The following RASEF variants were observed in gnomAD, a reference collection of about 807,000 sequenced individuals.
RASEF encodes the protein RAS and EF-hand domain containing.
In RASEF, 68 loss-of-function variants were observed where a neutral mutation model predicts 90.1. The observed-to-expected ratio is 0.75, with a 90% confidence interval of 0.62 to 0.92. The LOEUF (loss-of-function observed/expected upper bound fraction) is 0.92, where lower values mean the gene tolerates loss of function less well. Among genes scored for constraint, RASEF ranks in the 40% least tolerant of loss-of-function variants. The pLI is 0.00. For synonymous variants in RASEF, 331 were observed against 345.2 expected, an observed-to-expected ratio of 0.96 and a Z score of 0.46; for missense variants, 949 against 937.2, an observed-to-expected ratio of 1.01 and a Z score of -0.16.
intron 14 of RASEF, among the ~76,000 whole-genome samples, chr9:82,995,094 T>G (rs1375038407): frequency 1.3e-5 from 2 of 152,222 alleles, no homozygotes; most frequent in African/African-American, 4.8e-5. Context: ...AATTCATCTC[T>G]TCTATAGTTT....
the RASEF span, among the ~76,000 whole-genome samples, chr9:83,073,271 G>A: frequency 1.3e-5 from 2 of 151,972 alleles, no homozygotes; most frequent in Non-Finnish European, 2.9e-5. Flanking sequence ...AACAATGCAT[G>A]GTAGAATAAA....
chr9:83,159,511 T>A, the RASEF span, among the ~76,000 whole-genome samples: 1 of 152,162 alleles, frequency 6.6e-6, no homozygotes, highest in African/African-American at 2.4e-5. Flanking sequence ...CCTTAAAAAA[T>A]TAAATGATCA....
In RASEF at chr9:83,015,984, G is replaced by A. The variant is rs990954061; in HGVS notation, c.670-84C>T. The A allele has an allele frequency of 1.5e-5, 15 of 999,458 alleles. No homozygotes were observed. In the East Asian group the frequency reaches 3.6e-4, roughly 24 times the overall value. 61.9% of individuals were successfully genotyped at this position (999,458 alleles called of 1,614,324 possible). A position where few individuals can be genotyped will look rare whatever the true frequency, so the allele number is the denominator to read the frequency against. On this transcript the variant is annotated intron_variant, in intron 3 of 16. Coordinates refer to ENST00000376447, the MANE Select transcript of RASEF (RefSeq NM_152573.4). ...ACCCCACAGGTGAGAAACATTTTGT[G>A]TCAAATTAAGGCTGACTTCAGTTCT...
At chr9:83,179,789 G>T in the RASEF span, among the ~76,000 whole-genome samples, 1 of 151,868 alleles carries the variant, frequency 6.6e-6, no homozygotes, top group Non-Finnish European at 1.5e-5. Flanking sequence ...GCCACCATTT[G>T]TGTAAAACAC....
chr9:83,166,412 A>G, the RASEF span, among the ~76,000 whole-genome samples: 27 of 152,148 alleles, frequency 1.8e-4, no homozygotes, highest in African/African-American at 6.0e-4. Context: ...ACTCTTAATT[A>G]CACTTGACAC....
chr9:83,113,172 A>C, the RASEF span, among the ~76,000 whole-genome samples: 2 of 152,236 alleles, frequency 1.3e-5, no homozygotes, highest in African/African-American at 4.8e-5. Flanking sequence ...GACAGTTATC[A>C]GTTCCCAAAA....
At chr9:83,091,333 C>T in the RASEF span, among the ~76,000 whole-genome samples, 2 of 152,164 alleles carry the variant, frequency 1.3e-5, no homozygotes, top group African/African-American at 4.8e-5. Context: ...GCAGGTGGAT[C>T]ACTTGAGATT....
At chr9:83,031,741 G>A (rs1829651660) in intron 1 of RASEF, among the ~76,000 whole-genome samples, 1 of 152,122 alleles carries the variant, frequency 6.6e-6, no homozygotes. Flanking sequence ...CGTTACAAGA[G>A]GACTCCTTAA....
In RASEF at chr9:83,049,529, C is replaced by CTTTTTT. The variant is rs10687615; in HGVS notation, c.431+12902_431+12907dup. On this transcript the variant is annotated intron_variant, in intron 1 of 16. Coordinates refer to ENST00000376447, the MANE Select transcript of RASEF (RefSeq NM_152573.4). ...ATGCACAGCCCACCTTTCTGCCTTC[C>CTTTTTT]TTTTTTTTTTTTTTTTTTTTTTTAT... Among the ~76,000 whole-genome samples the CTTTTTT allele has an allele frequency of 1.0e-2, 986 of 98,918 alleles. 2 individuals are homozygous for CTTTTTT. Among genetic ancestry groups the CTTTTTT allele is most frequent in the African/African-American group, 0.013 (298 of 23,170 alleles). 64.9% of individuals were successfully genotyped at this position (98,918 alleles called of 152,430 possible).
intron 13 of RASEF, 43 bp from the exon 14 acceptor site, chr9:82,997,169 T>C (rs1354794428): frequency 8.4e-7 from 1 of 1,189,702 alleles, no homozygotes; most frequent in Non-Finnish European, 1.3e-6. Context: ...TTGTGTTGCC[T>C]CATTCTTCTT....
chr9:83,165,690 A>T, the RASEF span, among the ~76,000 whole-genome samples: 1 of 152,156 alleles, frequency 6.6e-6, no homozygotes, highest in African/African-American at 2.4e-5. Context: ...GGAAATCAAT[A>T]CAGAGAATCA....
At chr9:83,130,349 T>C in the RASEF span, among the ~76,000 whole-genome samples, 2 of 152,240 alleles carry the variant, frequency 1.3e-5, no homozygotes, top group Middle Eastern at 3.4e-3. Context: ...GTTCATAGCC[T>C]CCCCAATTAT....
At chr9:83,069,467 C>G in the RASEF span, among the ~76,000 whole-genome samples, 52 of 152,290 alleles carry the variant, frequency 3.4e-4, no homozygotes, top group East Asian at 9.8e-3. Context: ...CTTTGCTCAG[C>G]AGAAGGTGTT....
At chr9:83,059,206 C>T (rs940563467) in intron 1 of RASEF, among the ~76,000 whole-genome samples, 3 of 151,646 alleles carry the variant, frequency 2.0e-5, no homozygotes, top group Non-Finnish European at 4.4e-5. Flanking sequence ...AAAGTTTCAG[C>T]TCTGACTAGA....
At position 83,062,935 on chromosome 9, in the gene RASEF, C is replaced by T. The variant is rs1830243926; in HGVS notation, c.-68G>A. ...GGGCGCAGGGCCCTCCCTGGAAGGA[C>T]GGGGCCACCTGCTGCCGCCGGGAGG... On this transcript the variant is annotated 5_prime_UTR_variant, in exon 1 of 17. Transcript: ENST00000376447. 2.2e-6 allele frequency: 3 copies of T among 1,352,580 alleles called. No individual in the cohort carries two copies. Among genetic ancestry groups the T allele is most frequent in the Non-Finnish European group, 2.8e-6 (3 of 1,055,806 alleles). The allele number at this position is 1,352,580 out of a possible 1,614,324, so 83.8% of individuals were successfully genotyped here.
the RASEF span, among the ~76,000 whole-genome samples, chr9:83,107,681 T>A: frequency 3.3e-5 from 5 of 152,204 alleles, no homozygotes; most frequent in Non-Finnish European, 7.3e-5. Context: ...GTTACTGTTG[T>A]TCATTTCTTA....
chr9:83,027,226 T>C (rs1217644611), intron 1 of RASEF, among the ~76,000 whole-genome samples: 1 of 152,144 alleles, frequency 6.6e-6, no homozygotes, highest in Non-Finnish European at 1.5e-5. Context: ...CTCCAAACAC[T>C]ATTGTTTTGG....
At chr9:83,100,571 A>G in the RASEF span, among the ~76,000 whole-genome samples, 1 of 152,172 alleles carries the variant, frequency 6.6e-6, no homozygotes, top group African/African-American at 2.4e-5. Flanking sequence ...TTTTTAACTA[A>G]TCATATTTGG....
Position 83,000,236 on chromosome 9 carries a change from C to T in RASEF, c.1656G>A (p.Val552=), listed in dbSNP as rs1197119317. The T allele has an allele frequency of 6.2e-7, 1 of 1,613,936 alleles. No individual in the cohort carries two copies. Among genetic ancestry groups the T allele is most frequent in the African/African-American group, 1.3e-5 (1 of 74,900 alleles). ...YKIVLAGDAA[V]GKSSFLMRLC... The stretch of plus-strand genomic sequence containing the variant: ...GTCTCATGAGGAAACTAGACTTCCC[C>T]ACTGCAGCGTCCCCAGCAAGTACAA... Residue 552 remains valine (V), a synonymous_variant, in exon 12 of 17, where the codon GTG becomes GTA. Transcript: ENST00000376447.
Sources: gnomAD v4.1 joint callset for allele counts (sites outside exome capture counted in the v4.1 genomes callset) on GRCh38, gnomAD v4.1.1 for gene constraint, MANE v1.5 for transcripts, NCBI Gene and HGNC (gene_info 2026-07-23, HGNC 2026-07-21) for gene names.